Variants in RUNX3 observed in about 807,000 individuals in gnomAD.
The protein encoded by RUNX3 is runt-related transcription factor 3.
A neutral mutation model predicts 27.7 loss-of-function variants in RUNX3; 10 were observed. That is an observed-to-expected ratio of 0.36 (90% confidence interval 0.22 to 0.61). The LOEUF (loss-of-function observed/expected upper bound fraction) is 0.61. Among genes scored for constraint, RUNX3 ranks in the 20% least tolerant of loss-of-function variants. The pLI is 0.72. For synonymous variants in RUNX3, 270 were observed against 269.2 expected, an observed-to-expected ratio of 1.00 and a Z score of -0.03; for missense variants, 469 against 629.5, an observed-to-expected ratio of 0.75 and a Z score of 2.73.
chr1:24,936,141 T>C (rs1333924134), intron 2 of RUNX3, among the ~76,000 whole-genome samples: 1 of 152,212 alleles, frequency 6.6e-6, no homozygotes. Flanking sequence ...CTGGGAAACA[T>C]GTGCCCTTCC....
In RUNX3 at chr1:24,927,730, C is replaced by A; in HGVS notation, c.283G>T (p.Val95Leu). The A allele has an allele frequency of 6.2e-7, 1 of 1,613,942 alleles. No individual in the cohort carries two copies. The highest frequency in any genetic ancestry group is 8.5e-7 in the Non-Finnish European group (1 of 1,179,960). ...CNKTLPVAFK[V>L]VALGDVPDGT... The stretch of plus-strand genomic sequence containing the variant: ...TCCGGCACGTCCCCCAATGCCACCA[C>A]CTGAAGACACGGGGCGGGGGGATGC... The change falls in exon 2 of 5, where the codon GTG (valine) becomes TTG (leucine). Residue 95 changes from valine to leucine, a missense_variant and splice_region_variant. Around this residue, in one of 3 missense-constraint regions of RUNX3, gnomAD observed 75 missense variants for 168.5 expected, o/e 0.45. Coordinates refer to ENST00000308873, the MANE Select transcript of RUNX3 (RefSeq NM_004350.3). This position sits in a 1 kb window ranked among gnomAD's most constrained non-coding sequence, Gnocchi z 5.0.
chr1:24,924,058 G>A (rs574341538), intron 2 of RUNX3, among the ~76,000 whole-genome samples: 2 of 152,208 alleles, frequency 1.3e-5, no homozygotes, highest in African/African-American at 2.4e-5. Context: ...TTCCTGGGAG[G>A]GAAAAACTTG....
intron 3 of RUNX3, among the ~76,000 whole-genome samples, chr1:24,911,184 A>G: frequency 6.6e-6 from 1 of 152,220 alleles, no homozygotes; most frequent in African/African-American, 2.4e-5. Flanking sequence ...GGACGTGGGG[A>G]CCACAGACTG....
rs561548987 is a variant in RUNX3 at position 24,916,907 on chromosome 1, G to C, written c.544+2333C>G. 1.3e-5 allele frequency among the ~76,000 whole-genome samples: 2 copies of C among 152,276 alleles called. No individual in the cohort carries two copies. Among genetic ancestry groups the C allele is most frequent in the Admixed American group, 1.3e-4 (2 of 15,300 alleles). On this transcript the variant is annotated intron_variant, in intron 3 of 4. Coordinates refer to ENST00000308873, the MANE Select transcript of RUNX3 (RefSeq NM_004350.3). The surrounding 1 kb of genome is among the most constrained non-coding windows in gnomAD (Gnocchi z 4.8). ...TCCCTCCCTCTTGTTGCCTCGTCCT[G>C]AGCCACGCATTTACCTTCCAGCTCA...
rs72874392 is a variant in RUNX3 at position 24,902,033 on chromosome 1, T to A, written c.*89A>T. On this transcript the variant is annotated 3_prime_UTR_variant, in exon 5 of 5. Coordinates refer to ENST00000308873, the MANE Select transcript of RUNX3 (RefSeq NM_004350.3). This position sits in a 1 kb window ranked among gnomAD's most constrained non-coding sequence, Gnocchi z 9.2. ...AGACCACCCTGGAGCGCAGGTCCCATTCCCGCCCGGAGCCTCGGAGCCGGC... is the reference window on the plus strand; with the variant it reads ...AGACCACCCTGGAGCGCAGGTCCCAATCCCGCCCGGAGCCTCGGAGCCGGC... 4 of 1,291,708 alleles carry A rather than the reference T, an allele frequency of 3.1e-6. No individual in the cohort carries two copies. In the East Asian group the frequency reaches 1.0e-4, roughly 33 times the overall value. 80.0% of individuals were successfully genotyped at this position (1,291,708 alleles called of 1,614,324 possible).
chr1:24,907,532 GA>G (rs1479907815), intron 3 of RUNX3, 115 bp from the exon 4 acceptor site: 3 of 1,073,774 alleles, frequency 2.8e-6, no homozygotes, highest in African/African-American at 3.2e-5. Flanking sequence ...CCTCTGCTGG[GA>G]GAACCCTGAG....
chr1:24,958,929 C>T (rs1360532865), intron 2 of RUNX3, among the ~76,000 whole-genome samples: 1 of 152,204 alleles, frequency 6.6e-6, no homozygotes, highest in East Asian at 1.9e-4. Flanking sequence ...GCAGATAAGG[C>T]ATCCCCAGGA....
chr1:24,918,376 C>T (rs1485298390), intron 3 of RUNX3, among the ~76,000 whole-genome samples: 1 of 152,202 alleles, frequency 6.6e-6, no homozygotes, highest in African/African-American at 2.4e-5. Context: ...ATTCTCTCCT[C>T]ACTGGAACTT....
In RUNX3 at chr1:24,929,779, G is replaced by C. The variant is rs1641179208; in HGVS notation, c.90C>G (p.Gly30=). The C allele has an allele frequency of 2.8e-6, 4 of 1,439,818 alleles. No individual in the cohort carries two copies. The highest frequency in any genetic ancestry group is 1.4e-5 in the South Asian group (1 of 71,288). The allele number at this position is 1,439,818 out of a possible 1,614,324, so 89.2% of individuals were successfully genotyped here. The change falls in exon 1 of 5, where the codon GGC becomes GGG. Residue 30 remains glycine (G), a synonymous_variant. Transcript: ENST00000308873. ...FPCGGGGGKM[G]ENSGALSAQA... is the part of the protein sequence containing the mutation. ...GCGCGCTCAGCGCGCCGCTGTTCTC[G>C]CCCATCTTGCCGCCGCCGCCGCCGC... is the stretch of plus-strand genomic sequence containing the variant.
chr1:24,919,583 C>T (rs1340919525), intron 2 of RUNX3, among the ~76,000 whole-genome samples: 1 of 152,102 alleles, frequency 6.6e-6, no homozygotes, highest in African/African-American at 2.4e-5. Context: ...CCGTGACCAC[C>T]CTGGCTCATG....
Position 24,902,157 on chromosome 1 carries a change from C to T in RUNX3, c.1213G>A (p.Gly405Ser). 1 of 1,570,704 alleles carries T rather than the reference C, an allele frequency of 6.4e-7. No individual in the cohort carries two copies. The highest frequency in any genetic ancestry group is 8.6e-7 in the Non-Finnish European group (1 of 1,158,932). ...SNSPTALSTP[G>S]RMDEAVWRPY Reference sequence around the variant, plus strand: ...CGCCACACGGCCTCATCCATGCGGCCTGGCGTGCTCAGGGCCGTGGGTGAG... The same window carrying T: ...CGCCACACGGCCTCATCCATGCGGCTTGGCGTGCTCAGGGCCGTGGGTGAG... The change falls in exon 5 of 5, where the codon GGC becomes AGC. Residue 405 changes from glycine (G) to serine (S), a missense_variant. Transcript: ENST00000308873. This position sits in a 1 kb window ranked among gnomAD's most constrained non-coding sequence, Gnocchi z 9.2.
At position 24,916,232 on chromosome 1, in the gene RUNX3, A is replaced by G. The variant is rs1017366418; in HGVS notation, c.544+3008T>C. Among the ~76,000 whole-genome samples, 6 of 152,238 alleles carry G rather than the reference A, an allele frequency of 3.9e-5. No individual in the cohort carries two copies. The highest frequency in any genetic ancestry group is 3.9e-4 in the Admixed American group (6 of 15,288). ...AAGTCCAGGAGCACAAAAGGCCTGTAACAACCTGTGAAGGTTGTGGGGGCA... is the reference window on the plus strand; with the variant it reads ...AAGTCCAGGAGCACAAAAGGCCTGTGACAACCTGTGAAGGTTGTGGGGGCA... On this transcript the variant is annotated intron_variant, in intron 3 of 4. Coordinates refer to ENST00000308873, the MANE Select transcript of RUNX3 (RefSeq NM_004350.3). The surrounding 1 kb of genome is among the most constrained non-coding windows in gnomAD (Gnocchi z 4.8).
intron 2 of RUNX3, among the ~76,000 whole-genome samples, chr1:24,921,696 C>T (rs1641003780): frequency 6.6e-6 from 1 of 152,228 alleles, no homozygotes; most frequent in African/African-American, 2.4e-5. Context: ...CAGCCCAGCA[C>T]TCTCCTGGGG....
rs993603264 is a variant in RUNX3 at position 24,943,296 on chromosome 1, C to T, written c.59-13444G>A. Among the ~76,000 whole-genome samples, 2 of 152,178 alleles carry T rather than the reference C, an allele frequency of 1.3e-5. No homozygotes were observed. The highest frequency in any genetic ancestry group is 4.1e-4 in the South Asian group (2 of 4,836). ...GGGGGGTGTCTGGAGACTCAGAATC[C>T]CACAGCCAGCAAATGTGAGGCTCCT... is the stretch of plus-strand genomic sequence containing the variant. On this transcript the variant is annotated intron_variant, in intron 2 of 6. Transcript: ENST00000338888. The surrounding 1 kb of genome is among the most constrained non-coding windows in gnomAD (Gnocchi z 4.6).
Position 24,919,406 on chromosome 1 carries a change from C to T in RUNX3, c.440-62G>A, listed in dbSNP as rs899232823. The T allele has an allele frequency of 4.6e-6, 5 of 1,090,010 alleles. No individual in the cohort carries two copies. In the East Asian group the frequency reaches 7.4e-5, roughly 16 times the overall value. 67.5% of individuals were successfully genotyped at this position (1,090,010 alleles called of 1,614,324 possible). Reference sequence around the variant, plus strand: ...CCTGGAGCTTCCACAATACCCTGCTCTCCCACCTGTATCTACCCCTGGAAG... The same window carrying T: ...CCTGGAGCTTCCACAATACCCTGCTTTCCCACCTGTATCTACCCCTGGAAG... On this transcript the variant is annotated intron_variant, in intron 2 of 4. Transcript: ENST00000308873.
At position 24,902,091 on chromosome 1, in the gene RUNX3, C is replaced by T. The variant is rs756468908; in HGVS notation, c.*31G>A. The stretch of plus-strand genomic sequence containing the variant: ...TGGTCTTGAAGGTTGTTAGGGTCCC[C>T]GCCTCCAGCGGGAGGAGTCCACCAG... On this transcript the variant is annotated 3_prime_UTR_variant, in exon 5 of 5. Coordinates refer to ENST00000308873, the MANE Select transcript of RUNX3 (RefSeq NM_004350.3). This position sits in a 1 kb window ranked among gnomAD's most constrained non-coding sequence, Gnocchi z 9.2. The T allele has an allele frequency of 1.0e-5, 15 of 1,484,318 alleles. No homozygotes were observed. The highest frequency in any genetic ancestry group is 2.8e-5 in the African/African-American group (2 of 72,228). The allele number at this position is 1,484,318 out of a possible 1,614,324, so 91.9% of individuals were successfully genotyped here. A position where few individuals can be genotyped will look rare whatever the true frequency, so the allele number is the denominator to read the frequency against.
intron 3 of RUNX3, among the ~76,000 whole-genome samples, chr1:24,912,653 T>A (rs1006912870): frequency 1.3e-5 from 2 of 151,966 alleles, no homozygotes; most frequent in Admixed American, 1.3e-4. Context: ...CCATCTTGTT[T>A]CGCCTGGCAG....
At chr1:24,917,520 G>A (rs1640912852) in intron 3 of RUNX3, among the ~76,000 whole-genome samples, 1 of 152,128 alleles carries the variant, frequency 6.6e-6, no homozygotes, top group South Asian at 2.1e-4. Flanking sequence ...CCGCAGGGTG[G>A]GTGGCATCAT....
intron 3 of RUNX3, among the ~76,000 whole-genome samples, chr1:24,911,303 A>G (rs1640791518): frequency 6.6e-6 from 1 of 152,258 alleles, no homozygotes; most frequent in South Asian, 2.1e-4. Context: ...CTTTCGTCAC[A>G]GGAGAATAAA....
Sources: gnomAD v4.1 joint callset for allele counts (sites outside exome capture counted in the v4.1 genomes callset) on GRCh38, gnomAD v4.1.1 for gene constraint, gnomAD v4.1.1 regional missense constraint, Gnocchi (gnomAD v3.1) non-coding constraint, MANE v1.5 for transcripts, NCBI Gene and HGNC (gene_info 2026-07-23, HGNC 2026-07-21) for gene names.